Variants in CMIP observed in about 807,000 individuals in gnomAD.
CMIP encodes the protein c-Maf inducing protein.
CMIP carries 13 observed loss-of-function variants against 97.3 expected under a neutral mutation model. The ratio of observed to expected loss-of-function variants is 0.13; its 90% CI spans 0.09 to 0.21. The LOEUF is 0.21. CMIP is among the 10% of genes least tolerant of loss of function. CMIP has a pLI of 1.00. For missense variants in CMIP, 847 were observed against 1,024.9 expected (o/e 0.83, Z 2.37); for synonymous variants, 538 against 436.3 (o/e 1.23, Z -2.91).
intron 19 of CMIP, among the ~76,000 whole-genome samples, chr16:81,706,766 C>T (rs373427422): frequency 6.4e-4 from 98 of 152,230 alleles, no homozygotes; most frequent in African/African-American, 2.4e-3. Flanking sequence ...ACAGAGGGAC[C>T]AGAAGGGAGG....
At chr16:81,566,822 G>A (rs2090992090) in intron 1 of CMIP, among the ~76,000 whole-genome samples, 1 of 152,134 alleles carries the variant, frequency 6.6e-6, no homozygotes, top group South Asian at 2.1e-4. Context: ...ACACAGCAAT[G>A]AAAAATAAAC....
chr16:81,444,891 C>T lies in CMIP; in HGVS notation c.-351C>T, dbSNP rs1257610059. ...GGGCCCCGAGACACGCCCGCCCCCA[C>T]CCCGCCGCCCCCACCCCGGCGCCCG... On this transcript the variant is annotated 5_prime_UTR_variant, in exon 1 of 21. Transcript: ENST00000537098. 7.3e-6 allele frequency among the ~76,000 whole-genome samples: 1 copy of T among 137,004 alleles called. No individual in the cohort carries two copies. The highest frequency in any genetic ancestry group is 1.6e-5 in the Non-Finnish European group (1 of 61,982). The allele number at this position is 137,004 out of a possible 152,430, so 89.9% of individuals were successfully genotyped here.
At chr16:81,535,335 C>A (rs1052319566) in intron 1 of CMIP, among the ~76,000 whole-genome samples, 1 of 152,146 alleles carries the variant, frequency 6.6e-6, no homozygotes, top group Non-Finnish European at 1.5e-5. Flanking sequence ...CAAGGTCACA[C>A]AGCCAAATGC....
rs774604519 is a variant in CMIP, at chr16:81,652,371, C to A, written c.639+7C>A. On this transcript the variant is annotated splice_region_variant and intron_variant, in intron 4 of 20. Transcript: ENST00000537098. The surrounding 1 kb of genome is among the most constrained non-coding windows in gnomAD (Gnocchi z 5.2). ...CTCGAAACTGCTCTCAGAGGTAAAACCCCTCCCCTGGACCCCTTTACATTG... is the reference window on the plus strand; with the variant it reads ...CTCGAAACTGCTCTCAGAGGTAAAAACCCTCCCCTGGACCCCTTTACATTG... The A allele has an allele frequency of 1.9e-6, 3 of 1,611,032 alleles. No homozygotes were observed. Among genetic ancestry groups the A allele is most frequent in the South Asian group, 1.1e-5 (1 of 90,794 alleles).
chr16:81,602,317 A>C (rs2091671104), intron 1 of CMIP, among the ~76,000 whole-genome samples: 2 of 152,356 alleles, frequency 1.3e-5, no homozygotes, highest in South Asian at 4.1e-4. Flanking sequence ...TATATATTAA[A>C]ATAATCAGGA....
intron 1 of CMIP, among the ~76,000 whole-genome samples, chr16:81,568,379 C>T (rs919245548): frequency 6.6e-6 from 1 of 152,158 alleles, no homozygotes; most frequent in African/African-American, 2.4e-5. Flanking sequence ...GGAGCTGTGC[C>T]CCCAACCCCC....
chr16:81,528,635 T>A (rs2090176078), intron 1 of CMIP, among the ~76,000 whole-genome samples: 1 of 152,188 alleles, frequency 6.6e-6, no homozygotes, highest in African/African-American at 2.4e-5. Flanking sequence ...TGGTTTGAGG[T>A]CACAGCTACC....
intron 1 of CMIP, among the ~76,000 whole-genome samples, chr16:81,484,192 C>A (rs1322828784): frequency 1.3e-5 from 2 of 152,160 alleles, no homozygotes; most frequent in Non-Finnish European, 2.9e-5. Flanking sequence ...GTGGAAGTCG[C>A]CCTTCCCTGG....
intron 3 of CMIP, among the ~76,000 whole-genome samples, chr16:81,638,424 G>A (rs2092263593): frequency 6.6e-6 from 1 of 152,110 alleles, no homozygotes; most frequent in African/African-American, 2.4e-5. Flanking sequence ...AAATCCCACA[G>A]CTCTTGGCCC....
chr16:81,532,585 T>A (rs1421020879), intron 1 of CMIP, among the ~76,000 whole-genome samples: 1 of 152,144 alleles, frequency 6.6e-6, no homozygotes, highest in Non-Finnish European at 1.5e-5. Context: ...GCCCAGCAGC[T>A]GAGTCGGGAG....
intron 1 of CMIP, among the ~76,000 whole-genome samples, chr16:81,531,645 G>A (rs2090238180): frequency 6.6e-6 from 1 of 152,228 alleles, no homozygotes; most frequent in Non-Finnish European, 1.5e-5. Context: ...GGGCAAGCCT[G>A]GGCCTGCCGC....
chr16:81,461,739 C>T (rs1255514132), intron 1 of CMIP, among the ~76,000 whole-genome samples: 1 of 152,218 alleles, frequency 6.6e-6, no homozygotes, highest in African/African-American at 2.4e-5. Context: ...AAAGCAGTGC[C>T]TGGATCTGGG....
At chr16:81,495,932 C>T (rs1038228516) in intron 1 of CMIP, among the ~76,000 whole-genome samples, 3 of 152,070 alleles carry the variant, frequency 2.0e-5, no homozygotes, top group African/African-American at 4.8e-5. Context: ...ATCCCCAGCT[C>T]CCCCAGCTCC....
chr16:81,531,038 C>T (rs931584142), intron 1 of CMIP, among the ~76,000 whole-genome samples: 3 of 152,152 alleles, frequency 2.0e-5, no homozygotes, highest in Admixed American at 6.5e-5. Context: ...GGCACGTTTA[C>T]GCTGTAGTCT....
chr16:81,525,186 C>G (rs1180323230), intron 1 of CMIP, among the ~76,000 whole-genome samples: 4 of 151,884 alleles, frequency 2.6e-5, no homozygotes, highest in African/African-American at 7.3e-5. Context: ...CTCAGCCACC[C>G]AGGCTGGAGT....
rs184177757 is a variant in CMIP, at chr16:81,707,289, G to C, written c.2268+205G>C. Among the ~76,000 whole-genome samples, 42 of 152,370 alleles carry C rather than the reference G, an allele frequency of 2.8e-4. 1 individual carries two copies. The highest frequency in any genetic ancestry group is 9.9e-4 in the African/African-American group (41 of 41,594). On this transcript the variant is annotated intron_variant, in intron 20 of 20. Transcript: ENST00000537098. ...GGAAATAGGAAGGCCTGTGTGGCCT[G>C]GGGTGATCAGGGATGGTGCCTTTGA...
intron 10 of CMIP, among the ~76,000 whole-genome samples, chr16:81,681,148 A>C (rs1264449125): frequency 6.6e-6 from 1 of 152,164 alleles, no homozygotes; most frequent in Non-Finnish European, 1.5e-5. Flanking sequence ...GCCTATCCCC[A>C]AGCCCTCCAC....
At chr16:81,541,074 A>G (rs537062192) in intron 1 of CMIP, among the ~76,000 whole-genome samples, 1 of 151,958 alleles carries the variant, frequency 6.6e-6, no homozygotes, top group East Asian at 1.9e-4. Context: ...CTAAATAAAC[A>G]CAATTCAATT....
At chr16:81,477,680 T>C (rs950273036) in intron 1 of CMIP, among the ~76,000 whole-genome samples, 1 of 152,204 alleles carries the variant, frequency 6.6e-6, no homozygotes, top group Non-Finnish European at 1.5e-5. Flanking sequence ...TTTTCTCTCG[T>C]ATAAAGGAAA....
Sources: gnomAD v4.1 joint callset for allele counts (sites outside exome capture counted in the v4.1 genomes callset) on GRCh38, gnomAD v4.1.1 for gene constraint, Gnocchi (gnomAD v3.1) non-coding constraint, MANE v1.5 for transcripts, NCBI Gene and HGNC (gene_info 2026-07-23, HGNC 2026-07-21) for gene names.